Variants in GCLM observed in about 807,000 individuals in gnomAD.
GCLM encodes glutamate--cysteine ligase regulatory subunit.
Under a neutral mutation model 36.0 loss-of-function variants are expected in GCLM, and 15 were observed. The ratio of observed to expected loss-of-function variants is 0.42; its 90% CI spans 0.28 to 0.64. GCLM has a LOEUF of 0.64. GCLM is among the 30% of genes least tolerant of loss of function. GCLM has a pLI of 0.25. For missense variants in GCLM, 242 were observed against 325.5 expected (o/e 0.74, Z 1.97); for synonymous variants, 129 against 122.8 (o/e 1.05, Z -0.34).
chr1:93,894,351 T>C (rs1214942332), intron 6 of GCLM, among the ~76,000 whole-genome samples: 1 of 152,038 alleles, frequency 6.6e-6, no homozygotes, highest in Non-Finnish European at 1.5e-5. Context: ...CAAAAGATCT[T>C]TTCTGTGTAG....
chr1:93,904,397 A>G (rs1413829661), intron 2 of GCLM, 126 bp downstream of exon 2: 1 of 694,654 alleles, frequency 1.4e-6, no homozygotes, highest in Admixed American at 2.3e-5. Context: ...GTCTCAGCAA[A>G]TCAACCACAG....
Position 93,909,141 on chromosome 1 carries a change from G to T in GCLM, c.23C>A (p.Ala8Asp). ...GCGGGCCCGCGCCAGGAGCGCCTTG[G>T]CCGCGCGGCTGTCGGTGCCCATGGC... is the stretch of plus-strand genomic sequence containing the variant. Reference protein sequence around the residue: MGTDSRAAKALLARARTL... With the variant: MGTDSRADKALLARARTL... The change falls in exon 1 of 7, where the codon GCC (alanine) becomes GAC (aspartate). Residue 8 changes from alanine (A) to aspartate (D), a missense_variant. Coordinates refer to ENST00000370238, the MANE Select transcript of GCLM (RefSeq NM_002061.4). 1 of 1,388,280 alleles carries T rather than the reference G, an allele frequency of 7.2e-7. No homozygotes were observed. 86.0% of individuals were successfully genotyped at this position (1,388,280 alleles called of 1,614,324 possible).
At position 93,888,745 on chromosome 1, in the gene GCLM, A is replaced by AT; in HGVS notation, c.*244dup. On this transcript the variant is annotated 3_prime_UTR_variant, in exon 7 of 7. Coordinates refer to ENST00000370238, the MANE Select transcript of GCLM (RefSeq NM_002061.4). ...AATAAAGGAAAAATATATTGCAAGT[A>AT]TTTTCTTTATAGACAATTTCAATTA... The AT allele has an allele frequency of 3.3e-6, 1 of 298,768 alleles. No homozygotes were observed. The highest frequency in any genetic ancestry group is 6.1e-6 in the Non-Finnish European group (1 of 164,670). 18.5% of individuals were successfully genotyped at this position (298,768 alleles called of 1,614,324 possible).
In GCLM at chr1:93,889,936, G is replaced by A. The variant is rs186704613; in HGVS notation, c.656-777C>T. On this transcript the variant is annotated intron_variant, in intron 6 of 6. Transcript: ENST00000370238. ...TATATATATATTTTTTTTTGAGATG[G>A]CATCTCACTCTGTTGCCCAGGCTGG... Among the ~76,000 whole-genome samples, 364 of 149,358 alleles carry A rather than the reference G, an allele frequency of 2.4e-3. 4 individuals are homozygous for A. The highest frequency in any genetic ancestry group is 7.5e-3 in the African/African-American group (307 of 40,718).
intron 1 of GCLM, among the ~76,000 whole-genome samples, chr1:93,905,731 G>C (rs1302512917): frequency 6.6e-6 from 1 of 152,124 alleles, no homozygotes; most frequent in Non-Finnish European, 1.5e-5. Context: ...AGTGAGCAAA[G>C]ACCTATATAC....
chr1:93,886,791 G>A lies in GCLM; in HGVS notation c.*2199C>T, dbSNP rs1226497344. The stretch of plus-strand genomic sequence containing the variant: ...TAAAGTTCCCTCTTAAAATATCTTG[G>A]CCAGTTCACTGTATAGATTTAAAAT... On this transcript the variant is annotated 3_prime_UTR_variant, in exon 7 of 7. Coordinates refer to ENST00000370238, the MANE Select transcript of GCLM (RefSeq NM_002061.4). The A allele has an allele frequency of 6.6e-6, 1 of 151,836 alleles. No individual in the cohort carries two copies. Among genetic ancestry groups the A allele is most frequent in the African/African-American group, 2.4e-5 (1 of 41,308 alleles). 9.4% of individuals were successfully genotyped at this position (151,836 alleles called of 1,614,324 possible). A position where few individuals can be genotyped will look rare whatever the true frequency, so the allele number is the denominator to read the frequency against.
chr1:93,885,662 G>C lies in GCLM; in HGVS notation c.*3328C>G, dbSNP rs564541260. The C allele has an allele frequency of 6.6e-6, 1 of 152,168 alleles. No homozygotes were observed. The highest frequency in any genetic ancestry group is 1.9e-4 in the East Asian group (1 of 5,200). The allele number at this position is 152,168 out of a possible 1,614,324, so 9.4% of individuals were successfully genotyped here. On this transcript the variant is annotated 3_prime_UTR_variant, in exon 7 of 7. Transcript: ENST00000370238. ...TGTATTTGAATATGAAAACACAAAT[G>C]ACACAAATGGTTTAAGTCTTCATTA...
At chr1:93,889,318 G>C (rs776915689) in intron 6 of GCLM, among the ~76,000 whole-genome samples, 159 bp from the exon 7 acceptor site, 1 of 152,062 alleles carries the variant, frequency 6.6e-6, no homozygotes. Flanking sequence ...ATCTGAACCA[G>C]AATATTAGAA....
Position 93,904,577 on chromosome 1 carries a change from A to G in GCLM, c.138T>C (p.Cys46=). ...PSTHSEELHD[C]IQKTLNEWSS... is the part of the protein sequence containing the mutation. ...TCCATTCATTCAAGGTTTTTTGGAT[A>G]CAATCATGAAGCTGCAAAAGGAATG... is the stretch of plus-strand genomic sequence containing the variant. Residue 46 remains cysteine, a synonymous_variant, in exon 2 of 7, where the codon TGT becomes TGC. Transcript: ENST00000370238. 1 of 1,609,132 alleles carries G rather than the reference A, an allele frequency of 6.2e-7. No homozygotes were observed. The highest frequency in any genetic ancestry group is 8.5e-7 in the Non-Finnish European group (1 of 1,175,540).
intron 6 of GCLM, 64 bp from the exon 7 acceptor site, chr1:93,889,223 G>T: frequency 1.8e-6 from 2 of 1,104,506 alleles, no homozygotes; most frequent in Non-Finnish European, 1.3e-6. Context: ...AAGCACTTTA[G>T]TATGTAGGTA....
At chr1:93,907,103 G>A (rs1490164024) in intron 1 of GCLM, among the ~76,000 whole-genome samples, 2 of 152,038 alleles carry the variant, frequency 1.3e-5, no homozygotes, top group Admixed American at 6.6e-5. Flanking sequence ...TCAGTGAAGC[G>A]GAACTGTTCC....
intron 6 of GCLM, among the ~76,000 whole-genome samples, chr1:93,892,379 T>C (rs1367777270): frequency 6.6e-6 from 1 of 152,176 alleles, no homozygotes; most frequent in Middle Eastern, 3.2e-3. Flanking sequence ...AGTTAAATGT[T>C]TTACAGTTTT....
chr1:93,896,767 G>A lies in GCLM; in HGVS notation c.391C>T (p.Pro131Ser), dbSNP rs780522121. Residue 131 changes from proline to serine, a missense_variant, in exon 5 of 7, where the codon CCT becomes TCT. By Grantham distance (74) the Pro-to-Ser change is moderately conservative. Coordinates refer to ENST00000370238, the MANE Select transcript of GCLM (RefSeq NM_002061.4). Reference sequence around the variant, plus strand: ...GAAAGATTAACTCCATCTTCAATAGGAGGTGAAGCAATGATCACAGAATCC... The same window carrying A: ...GAAAGATTAACTCCATCTTCAATAGAAGGTGAAGCAATGATCACAGAATCC... ...QLDSVIIASP[P>S]IEDGVNLSLE... is the part of the protein sequence containing the mutation. 6.2e-7 allele frequency: 1 copy of A among 1,610,504 alleles called. No individual in the cohort carries two copies. The highest frequency in any genetic ancestry group is 1.1e-5 in the South Asian group (1 of 90,996).
intron 1 of GCLM, chr1:93,908,645 C>T (rs2100931975): frequency 6.3e-6 from 1 of 157,546 alleles, no homozygotes; most frequent in Middle Eastern, 3.1e-3. Flanking sequence ...AAAGGATAAT[C>T]TCCGAAAATA....
chr1:93,903,876 TA>T (rs1657050985), intron 2 of GCLM, among the ~76,000 whole-genome samples: 1 of 152,134 alleles, frequency 6.6e-6, no homozygotes, highest in Admixed American at 6.5e-5. Context: ...ATAAGTAGAA[TA>T]AACAGTCATT....
intron 4 of GCLM, 55 bp downstream of exon 4, chr1:93,897,784 C>A: frequency 1.2e-6 from 1 of 856,394 alleles, no homozygotes; most frequent in Non-Finnish European, 1.8e-6. Flanking sequence ...ATAACTAATA[C>A]ACCTATACTA....
intron 1 of GCLM, among the ~76,000 whole-genome samples, chr1:93,908,480 A>G (rs1158058775): frequency 6.6e-6 from 1 of 152,248 alleles, no homozygotes; most frequent in Non-Finnish European, 1.5e-5. Context: ...CGCACAGATA[A>G]GTGCATAAAA....
chr1:93,897,723 G>A, intron 4 of GCLM, 116 bp downstream of exon 4: 1 of 592,352 alleles, frequency 1.7e-6, no homozygotes, highest in Non-Finnish European at 2.9e-6. Flanking sequence ...ACTTTAAAAG[G>A]TAAAATTGGA....
chr1:93,901,694 CAA>C (rs1411411197), intron 2 of GCLM, 25 bp from the exon 3 acceptor site: 1 of 1,183,550 alleles, frequency 8.4e-7, no homozygotes, highest in South Asian at 1.4e-5. Flanking sequence ...ATATTTAAAA[CAA>C]ATATAAAATT....
Sources: gnomAD v4.1 joint callset for allele counts (sites outside exome capture counted in the v4.1 genomes callset) on GRCh38, gnomAD v4.1.1 for gene constraint, MANE v1.5 for transcripts, NCBI Gene and HGNC (gene_info 2026-07-23, HGNC 2026-07-21) for gene names.